ME2: variants seen among roughly 807,000 people sequenced by gnomAD.
ME2 encodes malic enzyme 2.
ME2 carries 60 observed loss-of-function variants against 73.7 expected under a neutral mutation model. The ratio of observed to expected loss-of-function variants is 0.81; its 90% CI spans 0.66 to 1.01. ME2 has a LOEUF of 1.01. Ranked by LOEUF, ME2 falls within the 50% of genes least tolerant of loss-of-function variation. The pLI, the probability that ME2 is intolerant of heterozygous loss-of-function variation, is 0.00. For synonymous variants in ME2, 199 were observed against 236.9 expected (o/e 0.84, Z 1.47); for missense variants, 594 against 705.5 (o/e 0.84, Z 1.79).
intron 13 of ME2, chr18:50,934,532 C>A (rs1439633826): frequency 6.6e-6 from 1 of 151,946 alleles, no homozygotes; most frequent in Non-Finnish European, 1.5e-5. Context: ...CCCCTATTCC[C>A]AGCTAGTCAG....
intron 2 of ME2, among the ~76,000 whole-genome samples, chr18:50,903,816 T>C (rs1916947031): frequency 6.6e-6 from 1 of 152,202 alleles, no homozygotes; most frequent in African/African-American, 2.4e-5. Context: ...TTTACCCTTT[T>C]GCTAGAGTTG....
Position 50,925,804 on chromosome 18 carries a change from T to C in ME2, c.1220T>C (p.Met407Thr). ...TTCACTCCTGATGTAATCAGAGCCA[T>C]GGCCTCTATCAATGAAAGGCCTGTA... ...RLFTPDVIRA[M>T]ASINERPVIF... Residue 407 changes from methionine (M) to threonine (T), a missense_variant, in exon 12 of 16, where the codon ATG becomes ACG. Physicochemically the swap from Met to Thr is moderately conservative, Grantham distance 81. Coordinates refer to ENST00000321341, the MANE Select transcript of ME2 (RefSeq NM_002396.5). 6.2e-7 allele frequency: 1 copy of C among 1,613,392 alleles called. No homozygotes were observed. Among genetic ancestry groups the C allele is most frequent in the South Asian group, 1.1e-5 (1 of 91,072 alleles).
At chr18:50,919,445 A>G (rs114619120) in intron 7 of ME2, among the ~76,000 whole-genome samples, 135 of 152,246 alleles carry the variant, frequency 8.9e-4, no homozygotes, top group African/African-American at 3.1e-3. Flanking sequence ...AGAAATTGCC[A>G]TCTCTCCTTC....
intron 12 of ME2, among the ~76,000 whole-genome samples, chr18:50,927,756 A>ACG (rs1917594213): frequency 2.2e-5 from 3 of 138,122 alleles, no homozygotes; most frequent in African/African-American, 8.0e-5. Context: ...ATATATACAC[A>ACG]CCACAGTACT....
chr18:50,931,515 TA>T lies in ME2; in HGVS notation c.1315-740del, dbSNP rs143747911. ...TTCATGATGGCAAAATTAACTGAGT[TA>T]AACACATATAAAGCACTTGGTAATT... On this transcript the variant is annotated intron_variant, in intron 12 of 15. Coordinates refer to ENST00000321341, the MANE Select transcript of ME2 (RefSeq NM_002396.5). Among the ~76,000 whole-genome samples the T allele has an allele frequency of 4.0e-3, 615 of 152,344 alleles. 9 individuals carry two copies. In the East Asian group the frequency reaches 0.056, roughly 14 times the overall value.
At chr18:50,900,441 C>T (rs1415256074) in intron 2 of ME2, among the ~76,000 whole-genome samples, 2 of 151,568 alleles carry the variant, frequency 1.3e-5, no homozygotes, top group Non-Finnish European at 2.9e-5. Flanking sequence ...AGTACAGGCG[C>T]CTGCCACCAT....
intron 3 of ME2, among the ~76,000 whole-genome samples, chr18:50,910,679 A>G (rs1246676327): frequency 2.0e-5 from 3 of 152,212 alleles, no homozygotes; most frequent in Non-Finnish European, 4.4e-5. Flanking sequence ...TGTGCCTGGC[A>G]TTGTTCTAAG....
intron 1 of ME2, among the ~76,000 whole-genome samples, chr18:50,885,529 AT>A (rs1170008567): frequency 1.1e-4 from 17 of 152,048 alleles, no homozygotes; most frequent in Admixed American, 2.6e-4. Flanking sequence ...AAAAAAAAAA[AT>A]ATATAAAACT....
At position 50,925,803 on chromosome 18, in the gene ME2, A is replaced by G; in HGVS notation, c.1219A>G (p.Met407Val). The G allele has an allele frequency of 6.2e-7, 1 of 1,613,404 alleles. No individual in the cohort carries two copies. The highest frequency in any genetic ancestry group is 8.5e-7 in the Non-Finnish European group (1 of 1,179,342). Residue 407 changes from methionine (M) to valine (V), a missense_variant, in exon 12 of 16, where the codon ATG becomes GTG. Physicochemically the swap from Met to Val is conservative, Grantham distance 21. Coordinates refer to ENST00000321341, the MANE Select transcript of ME2 (RefSeq NM_002396.5). ...TTTCACTCCTGATGTAATCAGAGCC[A>G]TGGCCTCTATCAATGAAAGGCCTGT... ...RLFTPDVIRA[M>V]ASINERPVIF...
Position 50,939,593 on chromosome 18 carries a change from T to C in ME2, c.1441T>C (p.Cys481Arg), listed in dbSNP as rs1370736558. ...FPGVALAVILCNTRHISDSVF... is the reference protein window; with the variant it reads ...FPGVALAVILRNTRHISDSVF... ...AGGTGTGGCTTTAGCTGTTATTCTC[T>C]GTAACACCCGGCATATTAGTGACAG... Residue 481 changes from cysteine to arginine, a missense_variant, in exon 14 of 16, where the codon TGT (cysteine) becomes CGT (arginine). Transcript: ENST00000321341. The C allele has an allele frequency of 3.1e-6, 5 of 1,612,512 alleles. No individual in the cohort carries two copies. The South Asian group carries it at 4.4e-5, about 14-fold the overall frequency.
chr18:50,895,852 C>T lies in ME2; in HGVS notation c.32C>T (p.Thr11Ile), dbSNP rs1158299367. The T allele has an allele frequency of 6.2e-7, 1 of 1,613,386 alleles. No individual in the cohort carries two copies. Among genetic ancestry groups the T allele is most frequent in the Admixed American group, 1.7e-5 (1 of 60,010 alleles). The change falls in exon 2 of 16, where the codon ACT becomes ATT. Residue 11 changes from threonine (T) to isoleucine (I), a missense_variant. Thr to Ile is a moderately conservative substitution (Grantham distance 89). Coordinates refer to ENST00000321341, the MANE Select transcript of ME2 (RefSeq NM_002396.5). ...TCCCGGTTAAGAGTAGTTTCCACCA[C>T]TTGTACTTTGGCATGTCGACATTTG... MLSRLRVVSTTCTLACRHLHI... is the reference protein window; with the variant it reads MLSRLRVVSTICTLACRHLHI...
intron 14 of ME2, 23 bp from the exon 15 acceptor site, chr18:50,940,265 C>G (rs1917915562): frequency 3.2e-6 from 5 of 1,548,684 alleles, no homozygotes; most frequent in Non-Finnish European, 4.4e-6. Flanking sequence ...CAAACAAAAG[C>G]AAAATGCTGT....
At chr18:50,894,292 G>A (rs1351122076) in intron 1 of ME2, among the ~76,000 whole-genome samples, 4 of 152,210 alleles carry the variant, frequency 2.6e-5, no homozygotes, top group African/African-American at 2.4e-5. Flanking sequence ...GGCCGGGCGC[G>A]GTGGCCCACG....
At chr18:50,896,573 TAGTA>T (rs532172180) in intron 2 of ME2, among the ~76,000 whole-genome samples, 24 of 152,182 alleles carry the variant, frequency 1.6e-4, no homozygotes, top group Non-Finnish European at 2.5e-4. Context: ...CAATATTAAA[TAGTA>T]AGTAAAAGTT....
chr18:50,885,821 G>C (rs79919444), intron 1 of ME2, among the ~76,000 whole-genome samples: 3,034 of 152,058 alleles, frequency 0.02, 50 homozygotes, highest in African/African-American at 0.04. Flanking sequence ...ATAATAAATG[G>C]AAATAAAGTG....
At chr18:50,936,606 T>C (rs948817048) in intron 13 of ME2, among the ~76,000 whole-genome samples, 61 of 152,268 alleles carry the variant, frequency 4.0e-4, no homozygotes, top group African/African-American at 1.3e-3. Flanking sequence ...GGGACTTACA[T>C]TGATTGACAG....
chr18:50,897,639 T>C (rs1184751462), intron 2 of ME2, among the ~76,000 whole-genome samples: 1 of 152,118 alleles, frequency 6.6e-6, no homozygotes, highest in Non-Finnish European at 1.5e-5. Flanking sequence ...GGTGGGCGGA[T>C]CACCTGAGGT....
intron 13 of ME2, among the ~76,000 whole-genome samples, chr18:50,938,609 G>C (rs1917869650): frequency 6.6e-6 from 1 of 152,110 alleles, no homozygotes; most frequent in African/African-American, 2.4e-5. Context: ...AGAAAGCCTT[G>C]GGAGAATGTA....
chr18:50,888,465 G>C (rs1916531228), intron 1 of ME2, among the ~76,000 whole-genome samples: 1 of 152,112 alleles, frequency 6.6e-6, no homozygotes, highest in Admixed American at 6.5e-5. Flanking sequence ...AGGCTTAGAG[G>C]CTGAAAATTT....
Sources: gnomAD v4.1 joint callset for allele counts (sites outside exome capture counted in the v4.1 genomes callset) on GRCh38, gnomAD v4.1.1 for gene constraint, MANE v1.5 for transcripts, NCBI Gene and HGNC (gene_info 2026-07-23, HGNC 2026-07-21) for gene names.